The following NELL1 variants were observed in gnomAD, a reference collection of about 807,000 sequenced individuals.
The protein encoded by NELL1 is protein kinase C-binding protein NELL1.
Under a neutral mutation model 107.4 loss-of-function variants are expected in NELL1, and 76 were observed. That is an observed-to-expected ratio of 0.71 (90% CI 0.59 to 0.86). The LOEUF is 0.86. Ranked by LOEUF, NELL1 falls within the 40% of genes least tolerant of loss-of-function variation. The probability of loss-of-function intolerance (pLI) is 0.00; values close to 1 mark genes in which losing one functional copy is unlikely to be tolerated. For synonymous variants in NELL1, 353 were observed against 341.2 expected (o/e 1.03, Z -0.38); for missense variants, 1,024 against 1,005.5 (o/e 1.02, Z -0.25).
At chr11:21,456,726 G>A (rs376931993) in intron 15 of NELL1, among the ~76,000 whole-genome samples, 2 of 152,064 alleles carry the variant, frequency 1.3e-5, no homozygotes, top group African/African-American at 2.4e-5. Context: ...AAAATACTAC[G>A]AAATAAGGCA....
intron 13 of NELL1, among the ~76,000 whole-genome samples, chr11:21,157,314 T>C (rs2133794837): frequency 6.6e-6 from 1 of 152,238 alleles, no homozygotes; most frequent in Admixed American, 6.5e-5. Context: ...CAGTATTTCA[T>C]TTTCTTCCTC....
chr11:20,963,477 A>G (rs1353411747), intron 12 of NELL1, among the ~76,000 whole-genome samples: 1 of 152,148 alleles, frequency 6.6e-6, no homozygotes, highest in Non-Finnish European at 1.5e-5. Context: ...TTTGCTGGTT[A>G]CAACAAAATA....
intron 12 of NELL1, among the ~76,000 whole-genome samples, chr11:21,094,358 T>C (rs909923978): frequency 6.6e-6 from 1 of 152,218 alleles, no homozygotes; most frequent in African/African-American, 2.4e-5. Flanking sequence ...CAGGCTGGCA[T>C]TGAGTGTCTG....
intron 6 of NELL1, among the ~76,000 whole-genome samples, 197 bp downstream of exon 6, chr11:20,918,451 G>A (rs534743887): frequency 4.6e-5 from 7 of 151,930 alleles, no homozygotes; most frequent in South Asian, 2.1e-4. Flanking sequence ...GTATTAATCC[G>A]TTTTCTCACT....
intron 12 of NELL1, among the ~76,000 whole-genome samples, chr11:21,030,622 ATT>A (rs201033870): frequency 0.017 from 2,016 of 120,098 alleles, 42 homozygotes; most frequent in African/African-American, 0.054. Flanking sequence ...ATTTTCTTGT[ATT>A]TTTTTTTTTT....
chr11:21,561,062 T>C (rs1856840019), intron 17 of NELL1, among the ~76,000 whole-genome samples: 1 of 152,168 alleles, frequency 6.6e-6, no homozygotes, highest in South Asian at 2.1e-4. Context: ...TTTCTTCTTT[T>C]ATTGATCTTG....
rs930861309 is a variant in NELL1 at position 20,824,288 on chromosome 11, A to C, written c.336-23295A>C. Reference sequence around the variant, plus strand: ...AGCCAAGCTGAACTGTGAATTAATTAAACCTCTTCCCTTTATAAATTACAC... The same window carrying C: ...AGCCAAGCTGAACTGTGAATTAATTCAACCTCTTCCCTTTATAAATTACAC... On this transcript the variant is annotated intron_variant, in intron 3 of 19. Transcript: ENST00000357134. Among the ~76,000 whole-genome samples the C allele has an allele frequency of 2.6e-5, 4 of 151,490 alleles. No homozygotes were observed. The East Asian group carries it at 5.8e-4, about 22-fold the overall frequency.
intron 13 of NELL1, among the ~76,000 whole-genome samples, chr11:21,167,686 G>A (rs1482681767): frequency 6.6e-6 from 1 of 151,756 alleles, no homozygotes; most frequent in Non-Finnish European, 1.5e-5. Context: ...CCCTTGTTCA[G>A]TATTCTCCAG....
chr11:21,367,612 C>T (rs759847422), intron 14 of NELL1, among the ~76,000 whole-genome samples: 24 of 152,092 alleles, frequency 1.6e-4, no homozygotes, highest in Non-Finnish European at 3.4e-4. Flanking sequence ...TGATAAATAA[C>T]AACAATCACA....
intron 3 of NELL1, among the ~76,000 whole-genome samples, chr11:20,837,702 A>G (rs763758708): frequency 1.3e-5 from 2 of 152,146 alleles, no homozygotes; most frequent in African/African-American, 4.8e-5. Flanking sequence ...CAAAGAAACT[A>G]GCTGAAAAAC....
At chr11:20,934,136 G>A (rs556725913) in intron 9 of NELL1, among the ~76,000 whole-genome samples, 1 of 152,266 alleles carries the variant, frequency 6.6e-6, no homozygotes, top group South Asian at 2.1e-4. Flanking sequence ...TATAGATCAA[G>A]AGGTTGGATA....
intron 3 of NELL1, among the ~76,000 whole-genome samples, chr11:20,820,502 C>A (rs1857726683): frequency 6.6e-6 from 1 of 152,168 alleles, no homozygotes; most frequent in East Asian, 1.9e-4. Context: ...TTGGTTAGCA[C>A]TCTTAAATTT....
At chr11:21,405,996 A>G (rs147947294) in intron 15 of NELL1, among the ~76,000 whole-genome samples, 1,643 of 152,112 alleles carry the variant, frequency 0.011, 30 homozygotes, top group African/African-American at 0.038. Context: ...AGACTGAGCC[A>G]ATAAGGTTGT....
chr11:21,565,785 C>A (rs1398420178), intron 17 of NELL1, among the ~76,000 whole-genome samples: 1 of 151,906 alleles, frequency 6.6e-6, no homozygotes, highest in Non-Finnish European at 1.5e-5. Context: ...GTTTCCTCTT[C>A]ATTAAAATGA....
intron 15 of NELL1, among the ~76,000 whole-genome samples, chr11:21,427,379 G>GA: frequency 6.6e-6 from 1 of 152,180 alleles, no homozygotes; most frequent in East Asian, 1.9e-4. Flanking sequence ...AGGGAAAGGG[G>GA]AAAGTCTTTG....
At chr11:21,455,944 A>G (rs1197755121) in intron 15 of NELL1, among the ~76,000 whole-genome samples, 2 of 144,698 alleles carry the variant, frequency 1.4e-5, no homozygotes, top group Non-Finnish European at 1.5e-5. Context: ...GCTGGAGTGC[A>G]GTGGCATGAT....
At chr11:20,842,368 G>C (rs1440411014) in intron 3 of NELL1, among the ~76,000 whole-genome samples, 2 of 137,042 alleles carry the variant, frequency 1.5e-5, no homozygotes, top group African/African-American at 5.6e-5. Context: ...GTGAGACTCC[G>C]TTTAAAAAAA....
intron 15 of NELL1, among the ~76,000 whole-genome samples, chr11:21,379,014 G>A (rs904585666): frequency 2.0e-5 from 3 of 151,972 alleles, no homozygotes; most frequent in Non-Finnish European, 4.4e-5. Flanking sequence ...ATTTTAAGGA[G>A]AATTTGCACT....
intron 13 of NELL1, among the ~76,000 whole-genome samples, chr11:21,197,743 C>T (rs759385394): frequency 3.9e-5 from 6 of 152,126 alleles, no homozygotes; most frequent in Non-Finnish European, 7.3e-5. Flanking sequence ...CTCACTTTAA[C>T]GATGGGAGAC....
Sources: gnomAD v4.1 joint callset for allele counts (sites outside exome capture counted in the v4.1 genomes callset) on GRCh38, gnomAD v4.1.1 for gene constraint, MANE v1.5 for transcripts, NCBI Gene and HGNC (gene_info 2026-07-23, HGNC 2026-07-21) for gene names.